The following ELOVL2 variants were observed in gnomAD, a reference collection of about 807,000 sequenced individuals.
The protein encoded by ELOVL2 is very long chain fatty acid elongase 2.
ELOVL2 carries 38 observed loss-of-function variants against 37.7 expected under a neutral mutation model. The observed-to-expected ratio is 1.01, with a 90% CI of 0.78 to 1.32. The LOEUF (loss-of-function observed/expected upper bound fraction) is 1.32. ELOVL2 is among the 40% of genes most tolerant of loss of function. The pLI is 0.00. For missense variants in ELOVL2, 352 were observed against 363.6 expected, an observed-to-expected ratio of 0.97 and a Z score of 0.26; for synonymous variants, 115 against 122.3, an observed-to-expected ratio of 0.94 and a Z score of 0.40.
chr6:10,989,952 G>C (rs1220270746), intron 6 of ELOVL2, 115 bp from the exon 7 acceptor site: 1 of 1,250,620 alleles, frequency 8.0e-7, no homozygotes, highest in African/African-American at 1.5e-5. Context: ...AATTATGTAG[G>C]AACAAAACAA....
intron 1 of ELOVL2, among the ~76,000 whole-genome samples, chr6:11,027,325 T>A (rs1782854377): frequency 6.6e-6 from 1 of 152,144 alleles, no homozygotes; most frequent in South Asian, 2.1e-4. Context: ...AACAAGTGAC[T>A]TTTTTTAAAC....
At chr6:11,038,776 A>G (rs984619626) in intron 1 of ELOVL2, among the ~76,000 whole-genome samples, 2 of 152,234 alleles carry the variant, frequency 1.3e-5, no homozygotes, top group African/African-American at 4.8e-5. Context: ...AAGGTTACAC[A>G]GGCAAATGTG....
At chr6:11,022,762 C>T (rs1782783314) in intron 1 of ELOVL2, among the ~76,000 whole-genome samples, 1 of 152,122 alleles carries the variant, frequency 6.6e-6, no homozygotes, top group Non-Finnish European at 1.5e-5. Context: ...TCACTGGTTA[C>T]ACAGAAATGT....
chr6:11,015,012 T>C (rs1782648483), intron 1 of ELOVL2, among the ~76,000 whole-genome samples: 1 of 152,212 alleles, frequency 6.6e-6, no homozygotes, highest in Admixed American at 6.5e-5. Context: ...TATAGCCATA[T>C]AGTAAATACT....
chr6:10,995,253 C>T, intron 4 of ELOVL2, 75 bp from the exon 5 acceptor site: 1 of 1,112,070 alleles, frequency 9.0e-7, no homozygotes, highest in Non-Finnish European at 1.3e-6. Context: ...GCTCGGCCTT[C>T]TGCCTGCTGC....
chr6:10,986,109 A>G, intron 7 of ELOVL2, among the ~76,000 whole-genome samples: 1 of 152,158 alleles, frequency 6.6e-6, no homozygotes, highest in Non-Finnish European at 1.5e-5. Flanking sequence ...TCTTTGAAGC[A>G]ATTGTGAATG....
intron 4 of ELOVL2, among the ~76,000 whole-genome samples, chr6:10,999,595 C>G (rs1013728179): frequency 6.6e-6 from 1 of 152,038 alleles, no homozygotes; most frequent in Non-Finnish European, 1.5e-5. Context: ...AGGCTGGTCT[C>G]GAACTCCTGA....
chr6:11,027,209 C>T (rs757421578), intron 1 of ELOVL2, among the ~76,000 whole-genome samples: 9 of 152,128 alleles, frequency 5.9e-5, no homozygotes, highest in Non-Finnish European at 1.2e-4. Flanking sequence ...AAATCAACAT[C>T]GATTTTTACT....
chr6:11,003,312 A>AC (rs1325531335), intron 3 of ELOVL2, among the ~76,000 whole-genome samples: 4 of 150,346 alleles, frequency 2.7e-5, no homozygotes, highest in South Asian at 4.3e-4. Context: ...CTTGCTCCCC[A>AC]CCCCCCGACA....
chr6:10,990,260 A>G (rs2281591), intron 6 of ELOVL2, 58 bp downstream of exon 6: 382,661 of 1,576,234 alleles, frequency 0.24, 49,246 homozygotes, highest in African/African-American at 0.45. Flanking sequence ...TAAGATTTCT[A>G]TTTCCTTTCC....
intron 2 of ELOVL2, among the ~76,000 whole-genome samples, chr6:11,008,285 A>G (rs1281103177): frequency 6.6e-6 from 1 of 152,234 alleles, no homozygotes; most frequent in Non-Finnish European, 1.5e-5. Flanking sequence ...AAAATGACCA[A>G]TGCAGAGTAA....
intron 1 of ELOVL2, among the ~76,000 whole-genome samples, chr6:11,035,149 G>A (rs1335543823): frequency 6.6e-6 from 1 of 152,104 alleles, no homozygotes; most frequent in Admixed American, 6.5e-5. Context: ...ACTTTCTGGG[G>A]CCTTCACCCA....
intron 1 of ELOVL2, among the ~76,000 whole-genome samples, chr6:11,041,232 C>G (rs947353917): frequency 6.6e-6 from 1 of 152,124 alleles, no homozygotes; most frequent in East Asian, 1.9e-4. Context: ...CCAACCCAGA[C>G]GATCATCCAC....
At chr6:11,027,491 T>C (rs1306438035) in intron 1 of ELOVL2, among the ~76,000 whole-genome samples, 2 of 152,360 alleles carry the variant, frequency 1.3e-5, no homozygotes, top group South Asian at 2.1e-4. Flanking sequence ...CTCTGTAAGG[T>C]AGCACATTCC....
At chr6:11,035,192 CA>C (rs1342062573) in intron 1 of ELOVL2, among the ~76,000 whole-genome samples, 7 of 151,608 alleles carry the variant, frequency 4.6e-5, no homozygotes, top group African/African-American at 1.7e-4. Flanking sequence ...TTCTGTTCTA[CA>C]CTACATTCCT....
intron 1 of ELOVL2, among the ~76,000 whole-genome samples, chr6:11,035,739 T>C (rs6936315): frequency 0.3 from 45,151 of 152,188 alleles, 9,374 homozygotes; most frequent in African/African-American, 0.6. Flanking sequence ...GCACATTTAC[T>C]GGACTGAGTG....
At chr6:10,999,931 A>G (rs935505856) in intron 4 of ELOVL2, among the ~76,000 whole-genome samples, 156 bp downstream of exon 4, 2 of 152,220 alleles carry the variant, frequency 1.3e-5, no homozygotes, top group African/African-American at 4.8e-5. Flanking sequence ...ATAGAGGGAT[A>G]GTTGGAAATC....
At chr6:11,010,907 T>C in intron 1 of ELOVL2, 98 bp from the exon 2 acceptor site, 1 of 895,892 alleles carries the variant, frequency 1.1e-6, no homozygotes. Context: ...TGACAGACTT[T>C]CAAAGGGTCC....
intron 3 of ELOVL2, among the ~76,000 whole-genome samples, chr6:11,002,650 G>A (rs955395821): frequency 2.0e-5 from 3 of 152,182 alleles, no homozygotes; most frequent in African/African-American, 4.8e-5. Context: ...GTGCAGATAC[G>A]TTCTTCCTAG....
Sources: gnomAD v4.1 joint callset for allele counts (sites outside exome capture counted in the v4.1 genomes callset) on GRCh38, gnomAD v4.1.1 for gene constraint, MANE v1.5 for transcripts, NCBI Gene and HGNC (gene_info 2026-07-23, HGNC 2026-07-21) for gene names.